Variants in RARB observed in about 807,000 individuals in gnomAD.
RARB encodes retinoic acid receptor beta.
Under a neutral mutation model 51.9 loss-of-function variants are expected in RARB, and 17 were observed. The observed-to-expected ratio is 0.33, with a 90% CI of 0.22 to 0.49. The LOEUF is 0.49. RARB is among the 20% of genes least tolerant of loss of function. RARB has a pLI of 0.99. For synonymous variants in RARB, 215 were observed against 195.4 expected, an observed-to-expected ratio of 1.10 and a Z score of -0.84; for missense variants, 369 against 550.8, an observed-to-expected ratio of 0.67 and a Z score of 3.30.
At chr3:25,383,070 T>C (rs2306624) in intron 5 of RARB, among the ~76,000 whole-genome samples, 121,761 of 152,142 alleles carry the variant, frequency 0.8, 49,358 homozygotes, top group East Asian at 0.99. Flanking sequence ...AGGTATGCTA[T>C]TGATGCATCT....
intron 5 of RARB, among the ~76,000 whole-genome samples, chr3:25,298,684 T>A (rs1303253928): frequency 6.6e-6 from 1 of 152,210 alleles, no homozygotes; most frequent in African/African-American, 2.4e-5. Flanking sequence ...GGTCAGATGC[T>A]TGGGGCCTAC....
At chr3:25,334,743 G>A (rs1423977939) in intron 5 of RARB, among the ~76,000 whole-genome samples, 3 of 152,074 alleles carry the variant, frequency 2.0e-5, no homozygotes. Flanking sequence ...TCTAAAAAGT[G>A]GAGCGGGAAG....
intron 3 of RARB, among the ~76,000 whole-genome samples, chr3:25,064,521 G>A (rs1698621339): frequency 2.0e-5 from 3 of 152,066 alleles, no homozygotes; most frequent in Non-Finnish European, 2.9e-5. Context: ...GAATTACCGA[G>A]AGACAGTTAT....
intron 4 of RARB, 83 bp downstream of exon 4, chr3:25,570,001 C>T: frequency 7.1e-7 from 1 of 1,413,198 alleles, no homozygotes; most frequent in Non-Finnish European, 9.6e-7. Context: ...CACACACACA[C>T]ACACACACAC....
At chr3:25,151,264 T>G (rs975308783) in intron 4 of RARB, among the ~76,000 whole-genome samples, 4 of 152,092 alleles carry the variant, frequency 2.6e-5, no homozygotes, top group Non-Finnish European at 4.4e-5. Flanking sequence ...GTCTTCATCC[T>G]GCACAATTAT....
intron 4 of RARB, among the ~76,000 whole-genome samples, chr3:25,138,212 A>C (rs1297435911): frequency 4.6e-5 from 7 of 152,172 alleles, no homozygotes; most frequent in African/African-American, 1.4e-4. Flanking sequence ...TTTGGGGAAT[A>C]GTCAAATTAC....
At chr3:25,582,651 T>C (rs1412611121) in intron 5 of RARB, among the ~76,000 whole-genome samples, 1 of 151,970 alleles carries the variant, frequency 6.6e-6, no homozygotes. Flanking sequence ...ATCCCCTTCC[T>C]CAATTTAGAA....
chr3:24,950,733 T>C (rs1009552722), intron 2 of RARB, among the ~76,000 whole-genome samples: 6 of 142,590 alleles, frequency 4.2e-5, no homozygotes, highest in Admixed American at 3.4e-4. Flanking sequence ...AAAAAGGTGA[T>C]TTGGCAAGAG....
intron 2 of RARB, among the ~76,000 whole-genome samples, chr3:24,999,844 A>G (rs1697121017): frequency 6.6e-6 from 1 of 152,110 alleles, no homozygotes; most frequent in Admixed American, 6.5e-5. Flanking sequence ...TTTTCTCCAT[A>G]ACTAGCAAAA....
chr3:25,064,529 T>C (rs894484563), intron 3 of RARB, among the ~76,000 whole-genome samples: 2 of 152,134 alleles, frequency 1.3e-5, no homozygotes, highest in Admixed American at 1.3e-4. Flanking sequence ...GAGAGACAGT[T>C]ATGGCTTATG....
chr3:25,379,856 A>G (rs1706573642), intron 5 of RARB, among the ~76,000 whole-genome samples: 1 of 152,130 alleles, frequency 6.6e-6, no homozygotes, highest in Non-Finnish European at 1.5e-5. Flanking sequence ...TCTTTTTCAT[A>G]CCCAGTTGTG....
At chr3:25,433,401 T>C (rs959382773) in intron 1 of RARB, among the ~76,000 whole-genome samples, 2 of 152,254 alleles carry the variant, frequency 1.3e-5, no homozygotes, top group African/African-American at 4.8e-5. Flanking sequence ...TTCTGGGTCA[T>C]TCTTATGAAC....
rs1054399632 is a variant in RARB, at chr3:25,144,784, A to G, written c.-280+12576A>G. On this transcript the variant is annotated intron_variant, in intron 4 of 11. Coordinates refer to the RARB transcript ENST00000383772. ...GCTAGAATGCCTGGCCGATAGGAGCATGTGATCAGCCCGTATACCTCGAGG... is the reference window on the plus strand; with the variant it reads ...GCTAGAATGCCTGGCCGATAGGAGCGTGTGATCAGCCCGTATACCTCGAGG... 2.6e-5 allele frequency among the ~76,000 whole-genome samples: 4 copies of G among 152,348 alleles called. 1 individual carries two copies. Among genetic ancestry groups the G allele is most frequent in the African/African-American group, 2.4e-5 (1 of 41,590 alleles).
At chr3:25,291,445 T>TATGGGTAA (rs1703785005) in intron 5 of RARB, among the ~76,000 whole-genome samples, 1 of 151,350 alleles carries the variant, frequency 6.6e-6, no homozygotes, top group Admixed American at 6.6e-5. Context: ...ATTTAAGAGA[T>TATGGGTAA]ATGGGTAAAA....
At chr3:25,470,172 G>GT (rs1402074024) in intron 2 of RARB, among the ~76,000 whole-genome samples, 2 of 152,180 alleles carry the variant, frequency 1.3e-5, no homozygotes, top group East Asian at 3.8e-4. Context: ...GAACTTCTAA[G>GT]TAAGTGCCTA....
intron 3 of RARB, among the ~76,000 whole-genome samples, chr3:25,075,147 G>A (rs115204784): frequency 6.6e-6 from 1 of 152,088 alleles, no homozygotes; most frequent in Non-Finnish European, 1.5e-5. Flanking sequence ...CAGATGTGGG[G>A]GTCTTCCAGT....
At chr3:25,364,924 C>T (rs1321397179) in intron 5 of RARB, among the ~76,000 whole-genome samples, 2 of 152,132 alleles carry the variant, frequency 1.3e-5, no homozygotes, top group South Asian at 2.1e-4. Context: ...AGTTTATTAA[C>T]TTCCCTTACA....
chr3:25,368,830 T>G (rs1270861701), intron 5 of RARB, among the ~76,000 whole-genome samples: 2 of 152,232 alleles, frequency 1.3e-5, no homozygotes, highest in African/African-American at 2.4e-5. Context: ...ACCTACAGAT[T>G]CTAACAGATG....
intron 3 of RARB, among the ~76,000 whole-genome samples, chr3:25,078,941 T>A (rs1698933066): frequency 6.6e-6 from 1 of 152,220 alleles, no homozygotes; most frequent in African/African-American, 2.4e-5. Context: ...TGTTGAGATT[T>A]GTATTAGAAT....
Sources: allele counts gnomAD v4.1 joint callset (sites outside exome capture counted in the v4.1 genomes callset), GRCh38; gene constraint gnomAD v4.1.1; transcripts MANE v1.5; gene names NCBI Gene and HGNC (gene_info 2026-07-23, HGNC 2026-07-21).